The following UACA variants were observed in gnomAD, a reference collection of about 807,000 sequenced individuals.
UACA encodes the protein nuclear membrane binding protein.
UACA carries 112 observed loss-of-function variants against 160.5 expected under a neutral mutation model. That is an observed-to-expected ratio of 0.70 (90% CI 0.60 to 0.82). The LOEUF (loss-of-function observed/expected upper bound fraction) is 0.82, where lower values mean the gene tolerates loss of function less well. Among genes scored for constraint, UACA ranks in the 40% least tolerant of loss-of-function variants. The pLI, the probability that UACA is intolerant of heterozygous loss-of-function variation, is 0.00. For missense variants in UACA, 1,574 were observed against 1,614.6 expected (o/e 0.97, Z 0.43); for synonymous variants, 557 against 568.4 (o/e 0.98, Z 0.29).
At chr15:70,758,077 T>C (rs1010868820) in intron 1 of UACA, among the ~76,000 whole-genome samples, 4 of 152,228 alleles carry the variant, frequency 2.6e-5, no homozygotes, top group South Asian at 2.1e-4. Flanking sequence ...CATAAGTATA[T>C]ATAATCATTA....
chr15:70,678,033 A>G, intron 11 of UACA, 66 bp downstream of exon 11: 1 of 1,217,020 alleles, frequency 8.2e-7, no homozygotes, highest in African/African-American at 1.5e-5. Context: ...TCTTTAGCAC[A>G]ATCATTAACA....
intron 1 of UACA, among the ~76,000 whole-genome samples, chr15:70,703,833 G>A (rs1898448976): frequency 6.6e-6 from 1 of 151,976 alleles, no homozygotes; most frequent in Non-Finnish European, 1.5e-5. Flanking sequence ...AGAGCCCTAC[G>A]CAAATTCCCA....
intron 10 of UACA, among the ~76,000 whole-genome samples, chr15:70,679,011 T>C (rs1162677347): frequency 6.6e-6 from 1 of 152,168 alleles, no homozygotes; most frequent in Non-Finnish European, 1.5e-5. Context: ...TTCTAATATA[T>C]ATTAAAACAA....
chr15:70,690,510 T>C lies in UACA; in HGVS notation c.368A>G (p.Tyr123Cys). The C allele has an allele frequency of 6.2e-7, 1 of 1,612,190 alleles. No individual in the cohort carries two copies. Among genetic ancestry groups the C allele is most frequent in the African/African-American group, 1.3e-5 (1 of 74,960 alleles). ...HALCLQKLLQ[Y>C]NCPTEHADLQ... The stretch of plus-strand genomic sequence containing the variant: ...GTCTGCATGCTCAGTGGGACAATTG[T>C]ACTGTTAAAGTAAAGAAAACTTAGT... Residue 123 changes from tyrosine to cysteine, a missense_variant and splice_region_variant, in exon 5 of 19, where the codon TAC becomes TGC. Coordinates refer to ENST00000322954, the MANE Select transcript of UACA (RefSeq NM_018003.4).
chr15:70,768,341 C>G (rs2031065467), upstream of UACA: 1 of 152,084 alleles, frequency 6.6e-6, no homozygotes, highest in African/African-American at 2.4e-5. Flanking sequence ...TATGACATAT[C>G]GAGTGTGCCA....
upstream of UACA, among the ~76,000 whole-genome samples, chr15:70,768,542 A>G (rs767255806): frequency 6.7e-6 from 1 of 149,696 alleles, no homozygotes; most frequent in Non-Finnish European, 1.5e-5. Flanking sequence ...CTTCACTTTA[A>G]TGATAAGACT....
chr15:70,747,265 G>A (rs144325266), intron 1 of UACA, among the ~76,000 whole-genome samples: 6,337 of 98,748 alleles, frequency 0.064, 542 homozygotes, highest in African/African-American at 0.23. Flanking sequence ...TTTTTTTTTA[G>A]ATGGAGTCTT....
intron 1 of UACA, among the ~76,000 whole-genome samples, chr15:70,760,766 CA>C (rs1240538203): frequency 6.8e-6 from 1 of 146,496 alleles, no homozygotes; most frequent in Non-Finnish European, 1.5e-5. Context: ...AAGATGGTCC[CA>C]TTGCACTCCA....
At chr15:70,777,701 C>A in the UACA span, among the ~76,000 whole-genome samples, 1 of 152,082 alleles carries the variant, frequency 6.6e-6, no homozygotes, top group African/African-American at 2.4e-5. Context: ...ACCTGGACCA[C>A]GGGCAAGTAG....
chr15:70,735,071 G>A (rs1318469735), intron 1 of UACA, among the ~76,000 whole-genome samples: 1 of 24,536 alleles, frequency 4.1e-5, no homozygotes, highest in Non-Finnish European at 7.9e-5. Context: ...TGGGTGCAGC[G>A]CACCAGCATG....
chr15:70,770,492 A>G, the UACA span, among the ~76,000 whole-genome samples: 2 of 152,228 alleles, frequency 1.3e-5, no homozygotes, highest in Non-Finnish European at 2.9e-5. Flanking sequence ...GAATCAGTGT[A>G]TACTTTCCCT....
intron 1 of UACA, among the ~76,000 whole-genome samples, chr15:70,706,781 T>G (rs969522135): frequency 6.6e-5 from 10 of 152,138 alleles, no homozygotes; most frequent in Admixed American, 2.0e-4. Flanking sequence ...TGACAAAACA[T>G]TTTTGAAATT....
At chr15:70,743,477 G>A (rs905003783) in intron 1 of UACA, among the ~76,000 whole-genome samples, 2 of 152,078 alleles carry the variant, frequency 1.3e-5, no homozygotes, top group Non-Finnish European at 2.9e-5. Flanking sequence ...TTTTCACTGC[G>A]CGTTGCAGTC....
Position 70,684,398 on chromosome 15 carries a change from T to A in UACA, c.651A>T (p.Glu217Asp). The change falls in exon 8 of 19, where the codon GAA becomes GAT. Residue 217 changes from glutamate (E) to aspartate (D), a missense_variant. Coordinates refer to ENST00000322954, the MANE Select transcript of UACA (RefSeq NM_018003.4). ...TATCAGCACCATTTTTAATTAAGAC[T>A]TCTACTGCATCTCTGCAACCATATT... is the stretch of plus-strand genomic sequence containing the variant. ...GCEYGCRDAV[E>D]VLIKNGADIS... 6.2e-7 allele frequency: 1 copy of A among 1,613,744 alleles called. No individual in the cohort carries two copies.
chr15:70,753,645 A>G (rs1294714899), intron 1 of UACA, among the ~76,000 whole-genome samples: 1 of 152,212 alleles, frequency 6.6e-6, no homozygotes, highest in Non-Finnish European at 1.5e-5. Flanking sequence ...TTGAGTTACT[A>G]GCACTTAGAA....
chr15:70,709,444 C>T (rs1174974640), intron 1 of UACA, among the ~76,000 whole-genome samples: 3 of 152,190 alleles, frequency 2.0e-5, no homozygotes, highest in Admixed American at 2.0e-4. Context: ...CAAGTTTTGA[C>T]ATTGACTCTC....
At chr15:70,705,972 G>C (rs1898511691) in intron 1 of UACA, among the ~76,000 whole-genome samples, 1 of 152,028 alleles carries the variant, frequency 6.6e-6, no homozygotes, top group Non-Finnish European at 1.5e-5. Context: ...AATATTTTTA[G>C]ATCAAATGAA....
chr15:70,748,491 C>T (rs1408194790), intron 1 of UACA, among the ~76,000 whole-genome samples: 1 of 152,144 alleles, frequency 6.6e-6, no homozygotes, highest in Non-Finnish European at 1.5e-5. Context: ...AATAAAAGCC[C>T]AACAGAAGCC....
Position 70,667,012 on chromosome 15 carries a change from A to T in UACA, c.3672T>A (p.Val1224=). ...TTGTTGCTTTATATTTAGACAAGTC[A>T]ACTACCTCTCTAGTCTCTAATTTTT... ...ALKKLETREV[V]DLSKYKATKS... Residue 1224 remains valine, a synonymous_variant, in exon 16 of 19, where the codon GTT becomes GTA. Coordinates refer to ENST00000322954, the MANE Select transcript of UACA (RefSeq NM_018003.4). The T allele has an allele frequency of 6.2e-7, 1 of 1,613,426 alleles. No homozygotes were observed. The highest frequency in any genetic ancestry group is 8.5e-7 in the Non-Finnish European group (1 of 1,179,906).
Sources: gnomAD v4.1 joint callset for allele counts (sites outside exome capture counted in the v4.1 genomes callset) on GRCh38, gnomAD v4.1.1 for gene constraint, MANE v1.5 for transcripts, NCBI Gene and HGNC (gene_info 2026-07-23, HGNC 2026-07-21) for gene names.